The following PRKN variants were observed in gnomAD, a reference collection of about 807,000 sequenced individuals.
PRKN encodes the protein parkin RBR E3 ubiquitin protein ligase, also known as E3 ubiquitin-protein ligase parkin.
A neutral mutation model predicts 59.5 loss-of-function variants in PRKN; 56 were observed. The observed-to-expected ratio is 0.94, with a 90% CI of 0.76 to 1.18. The LOEUF (loss-of-function observed/expected upper bound fraction) is 1.18. PRKN is among the 50% of genes most tolerant of loss of function. The probability of loss-of-function intolerance (pLI) is 0.00; values close to 1 mark genes in which losing one functional copy is unlikely to be tolerated. For synonymous variants in PRKN, 250 were observed against 222.1 expected (o/e 1.13, Z -1.12); for missense variants, 657 against 596.4 (o/e 1.10, Z -1.06).
At chr6:162,400,397 A>G (rs1171203281) in intron 2 of PRKN, among the ~76,000 whole-genome samples, 1 of 147,542 alleles carries the variant, frequency 6.8e-6, no homozygotes, top group African/African-American at 2.5e-5. Context: ...AGATCAATTC[A>G]CTTATGTGGA....
chr6:161,455,505 C>A (rs933584554), intron 9 of PRKN, among the ~76,000 whole-genome samples: 1 of 152,000 alleles, frequency 6.6e-6, no homozygotes, highest in African/African-American at 2.4e-5. Context: ...TTTATAGAGG[C>A]CTATCAGTGT....
At chr6:161,737,535 C>T (rs1015150343) in intron 7 of PRKN, among the ~76,000 whole-genome samples, 1 of 152,188 alleles carries the variant, frequency 6.6e-6, no homozygotes, top group African/African-American at 2.4e-5. Context: ...TTGAGCTTCA[C>T]ATTATGGCAT....
rs1787335185 is a variant in PRKN, at chr6:161,407,548, G to C, written c.1084-20671C>G. On this transcript the variant is annotated intron_variant, in intron 9 of 11. Transcript: ENST00000366898. This position sits in a 1 kb window ranked among gnomAD's most constrained non-coding sequence, Gnocchi z 4.9. ...ATCAATTTACAATATCCTGATTTCA[G>C]AAATGTTAAAATACACAAAAAGGTA... 6.6e-6 allele frequency among the ~76,000 whole-genome samples: 1 copy of C among 152,128 alleles called. No homozygotes were observed. Among genetic ancestry groups the C allele is most frequent in the Admixed American group, 6.5e-5 (1 of 15,274 alleles).
chr6:162,210,547 T>C (rs998167780), intron 3 of PRKN, among the ~76,000 whole-genome samples: 1 of 152,190 alleles, frequency 6.6e-6, no homozygotes, highest in Non-Finnish European at 1.5e-5. Flanking sequence ...TTTTTGTAAA[T>C]AGAGGAAATA....
At chr6:162,274,344 A>T (rs922215654) in intron 2 of PRKN, among the ~76,000 whole-genome samples, 2 of 152,018 alleles carry the variant, frequency 1.3e-5, no homozygotes, top group Non-Finnish European at 1.5e-5. Flanking sequence ...GTGCCACTAC[A>T]TCCAGCTAAT....
chr6:161,545,485 T>C lies in PRKN; in HGVS notation c.1083+3369A>G, dbSNP rs1779764586. The stretch of plus-strand genomic sequence containing the variant: ...GAGATTCACCTTCTTCTAACTTTTA[T>C]GTATTTGGCCATGTTCTACTTCTGA... On this transcript the variant is annotated intron_variant, in intron 9 of 11. Coordinates refer to ENST00000366898, the MANE Select transcript of PRKN (RefSeq NM_004562.3). This position sits in a 1 kb window ranked among gnomAD's most constrained non-coding sequence, Gnocchi z 4.1. The C allele has an allele frequency of 7.3e-7, 1 of 1,360,796 alleles. No homozygotes were observed. Among genetic ancestry groups the C allele is most frequent in the Non-Finnish European group, 1.1e-6 (1 of 951,902 alleles). 84.3% of individuals were successfully genotyped at this position (1,360,796 alleles called of 1,614,324 possible).
chr6:162,609,187 T>G (rs1229417666), intron 1 of PRKN, among the ~76,000 whole-genome samples: 2 of 152,162 alleles, frequency 1.3e-5, no homozygotes, highest in African/African-American at 4.8e-5. Context: ...TTAACTGACC[T>G]TCTCAGGGTC....
At position 162,518,320 on chromosome 6, in the gene PRKN, C is replaced by T. The variant is rs527941467; in HGVS notation, c.8-74847G>A. ...ACACTTATGTACACACAAATGCATA[C>T]ATTTACCTCACTGCTATTTATAATT... On this transcript the variant is annotated intron_variant, in intron 1 of 11. Coordinates refer to ENST00000366898, the MANE Select transcript of PRKN (RefSeq NM_004562.3). 7.2e-5 allele frequency among the ~76,000 whole-genome samples: 11 copies of T among 152,226 alleles called. No homozygotes were observed. In the South Asian group the frequency reaches 8.3e-4, roughly 11 times the overall value.
rs977034292 is a variant in PRKN at position 161,407,896 on chromosome 6, A to G, written c.1084-21019T>C. On this transcript the variant is annotated intron_variant, in intron 9 of 11. Transcript: ENST00000366898. The surrounding 1 kb of genome is among the most constrained non-coding windows in gnomAD (Gnocchi z 4.9). Reference sequence around the variant, plus strand: ...GCACCTTGTAATCCCCTCCTCTGCTAACAATAGATAACCTCCTTTAACTGT... The same window carrying G: ...GCACCTTGTAATCCCCTCCTCTGCTGACAATAGATAACCTCCTTTAACTGT... Among the ~76,000 whole-genome samples, 2 of 152,122 alleles carry G rather than the reference A, an allele frequency of 1.3e-5. No individual in the cohort carries two copies. The highest frequency in any genetic ancestry group is 4.8e-5 in the African/African-American group (2 of 41,414).
chr6:161,522,301 A>C (rs1177353772), intron 9 of PRKN, among the ~76,000 whole-genome samples: 2 of 152,174 alleles, frequency 1.3e-5, no homozygotes, highest in Non-Finnish European at 2.9e-5. Context: ...GAGAGGGCTG[A>C]AGATGGATAT....
chr6:161,375,537 C>G (rs1390927224), intron 10 of PRKN, among the ~76,000 whole-genome samples: 1 of 152,206 alleles, frequency 6.6e-6, no homozygotes, highest in African/African-American at 2.4e-5. Context: ...TTTTGTAATA[C>G]TTTGCAACTT....
At chr6:162,624,065 A>T (rs564620967) in intron 1 of PRKN, among the ~76,000 whole-genome samples, 2 of 151,812 alleles carry the variant, frequency 1.3e-5, no homozygotes, top group African/African-American at 4.8e-5. Context: ...CCTGGCTAAC[A>T]TGGTGAAACC....
intron 3 of PRKN, among the ~76,000 whole-genome samples, chr6:162,245,466 AT>A (rs1779160005): frequency 6.6e-6 from 1 of 151,910 alleles, no homozygotes; most frequent in African/African-American, 2.4e-5. Flanking sequence ...GTTGAAGAAA[AT>A]TTTTGACACT....
chr6:161,757,914 CACACACAT>C (rs1369202903), intron 7 of PRKN, among the ~76,000 whole-genome samples: 5 of 137,352 alleles, frequency 3.6e-5, no homozygotes, highest in Non-Finnish European at 6.1e-5. Context: ...CACACACACA[CACACACAT>C]CTCTCTCTCT....
At chr6:161,813,205 TG>T (rs1791630896) in intron 6 of PRKN, among the ~76,000 whole-genome samples, 1 of 152,148 alleles carries the variant, frequency 6.6e-6, no homozygotes, top group South Asian at 2.1e-4. Flanking sequence ...GCTTAGCTTG[TG>T]GGAGGAAGTG....
intron 1 of PRKN, among the ~76,000 whole-genome samples, chr6:162,576,967 A>G (rs1211491746): frequency 6.6e-6 from 1 of 152,192 alleles, no homozygotes; most frequent in African/African-American, 2.4e-5. Context: ...AAAATGGCAA[A>G]AATAATGCCT....
chr6:161,479,907 G>C (rs1791304669), intron 9 of PRKN, among the ~76,000 whole-genome samples: 1 of 152,178 alleles, frequency 6.6e-6, no homozygotes, highest in African/African-American at 2.4e-5. Context: ...AGTTAGACCA[G>C]GCCACACGAT....
intron 9 of PRKN, among the ~76,000 whole-genome samples, chr6:161,522,105 T>C (rs941225896): frequency 6.6e-6 from 1 of 152,132 alleles, no homozygotes; most frequent in Non-Finnish European, 1.5e-5. Context: ...AGGTGTTTCT[T>C]AAAAAGCCGA....
At chr6:162,639,857 A>G (rs1777893582) in intron 1 of PRKN, among the ~76,000 whole-genome samples, 1 of 152,192 alleles carries the variant, frequency 6.6e-6, no homozygotes, top group Non-Finnish European at 1.5e-5. Context: ...GTTTGATCTG[A>G]AAATCTAGAG....
Sources: allele counts gnomAD v4.1 joint callset (sites outside exome capture counted in the v4.1 genomes callset), GRCh38; gene constraint gnomAD v4.1.1; non-coding constraint Gnocchi (gnomAD v3.1); transcripts MANE v1.5; gene names NCBI Gene and HGNC (gene_info 2026-07-23, HGNC 2026-07-21).